The following TBCD variants were observed in gnomAD, a reference collection of about 807,000 sequenced individuals.
TBCD encodes the protein tubulin-specific chaperone D.
TBCD carries 105 observed loss-of-function variants against 169.3 expected under a neutral mutation model. The ratio of observed to expected loss-of-function variants is 0.62; its 90% CI spans 0.53 to 0.73. TBCD has a LOEUF of 0.73. Among genes scored for constraint, TBCD ranks in the 30% least tolerant of loss-of-function variants. The pLI is 0.00. For missense variants in TBCD, 1,444 were observed against 1,600.1 expected, an observed-to-expected ratio of 0.90 and a Z score of 1.66; for synonymous variants, 700 against 643.9, an observed-to-expected ratio of 1.09 and a Z score of -1.32.
rs1182862935 is a variant in TBCD at position 82,832,171 on chromosome 17, A to G, written c.1318+17237A>G. On this transcript the variant is annotated intron_variant, in intron 13 of 38. Coordinates refer to ENST00000355528, the MANE Select transcript of TBCD (RefSeq NM_005993.5). This position sits in a 1 kb window ranked among gnomAD's most constrained non-coding sequence, Gnocchi z 4.9. ...CTGAAGCTTCGAGTCGAAGGCAGAG[A>G]GTCCATTTGCGACAGACTTGGAAGA... The G allele has an allele frequency of 1.2e-6, 2 of 1,614,222 alleles. No individual in the cohort carries two copies. The highest frequency in any genetic ancestry group is 4.5e-5 in the East Asian group (2 of 44,880).
intron 13 of TBCD, chr17:82,829,321 G>C: frequency 6.5e-6 from 1 of 154,328 alleles, no homozygotes; most frequent in Middle Eastern, 5.2e-4. Flanking sequence ...CCCCCACACA[G>C]ATAGCACACG....
rs371266484 is a variant in TBCD at position 82,942,509 on chromosome 17, C to G, written c.*46C>G. The G allele has an allele frequency of 1.2e-6, 2 of 1,613,522 alleles. No homozygotes were observed. The highest frequency in any genetic ancestry group is 1.3e-5 in the African/African-American group (1 of 74,922). Reference sequence around the variant, plus strand: ...CCTCACCCCTGCCTGGTGAGGATGTCTTGTTCCTGAGGGAGGCCGGTGTGG... The same window carrying G: ...CCTCACCCCTGCCTGGTGAGGATGTGTTGTTCCTGAGGGAGGCCGGTGTGG... On this transcript the variant is annotated 3_prime_UTR_variant, in exon 39 of 39. Transcript: ENST00000355528.
At chr17:82,929,945 CCT>C (rs2062059677) in intron 32 of TBCD, 1 of 322,434 alleles carries the variant, frequency 3.1e-6, no homozygotes, top group South Asian at 3.0e-5. Context: ...AACTTGAAGG[CCT>C]CTCTGCATCT....
intron 14 of TBCD, among the ~76,000 whole-genome samples, chr17:82,876,314 G>A (rs1266422856): frequency 6.6e-6 from 1 of 152,156 alleles, no homozygotes; most frequent in Admixed American, 6.5e-5. Flanking sequence ...AAAGCAAACG[G>A]GCGAGGACAC....
chr17:82,897,203 T>G (rs1457897590), intron 17 of TBCD, among the ~76,000 whole-genome samples: 1 of 152,052 alleles, frequency 6.6e-6, no homozygotes, highest in Non-Finnish European at 1.5e-5. Context: ...TGTATATTCC[T>G]AAGTCAAAGC....
chr17:82,851,901 G>T (rs1419446258), intron 13 of TBCD, among the ~76,000 whole-genome samples: 1 of 152,178 alleles, frequency 6.6e-6, no homozygotes, highest in Non-Finnish European at 1.5e-5. Flanking sequence ...GTTGACCCAG[G>T]TGGGAATAGA....
chr17:82,907,668 G>C, intron 20 of TBCD, 93 bp from the exon 21 acceptor site: 1 of 1,394,496 alleles, frequency 7.2e-7, no homozygotes, highest in South Asian at 1.2e-5. Flanking sequence ...TTGGGGTTAG[G>C]GTCTTGGGGA....
chr17:82,875,076 A>G (rs1468179907), intron 14 of TBCD, among the ~76,000 whole-genome samples: 1 of 151,944 alleles, frequency 6.6e-6, no homozygotes, highest in Non-Finnish European at 1.5e-5. Flanking sequence ...ACTTTTTCTA[A>G]TTGGTTCCTA....
chr17:82,773,551 C>T (rs749978330), intron 6 of TBCD, among the ~76,000 whole-genome samples: 2 of 152,100 alleles, frequency 1.3e-5, no homozygotes, highest in Non-Finnish European at 2.9e-5. Context: ...CCCCTGTCTC[C>T]CTACCGGGTG....
rs1343772602 is a variant in TBCD, at chr17:82,752,253, A to G, written c.60A>G (p.Thr20=). 40 of 1,524,188 alleles carry G rather than the reference A, an allele frequency of 2.6e-5. No homozygotes were observed. The highest frequency in any genetic ancestry group is 3.4e-5 in the Non-Finnish European group (39 of 1,139,950). The allele number at this position is 1,524,188 out of a possible 1,614,324, so 94.4% of individuals were successfully genotyped here. ...GGPEEEAEDE[T]LAFGAALEAF... The stretch of plus-strand genomic sequence containing the variant: ...CCGAGGAGGAGGCGGAGGACGAGAC[A>G]CTGGCCTTTGGCGCGGCGCTGGAAG... Residue 20 remains threonine, a synonymous_variant, in exon 1 of 39, where the codon ACA becomes ACG. Coordinates refer to ENST00000355528, the MANE Select transcript of TBCD (RefSeq NM_005993.5).
chr17:82,897,381 G>A (rs576327600), intron 17 of TBCD, among the ~76,000 whole-genome samples: 9 of 152,116 alleles, frequency 5.9e-5, no homozygotes, highest in Non-Finnish European at 7.4e-5. Context: ...AGTCGGGCAT[G>A]GTGGCGCACC....
At chr17:82,896,816 C>T (rs796894155) in intron 17 of TBCD, among the ~76,000 whole-genome samples, 2 of 152,220 alleles carry the variant, frequency 1.3e-5, no homozygotes, top group African/African-American at 4.8e-5. Flanking sequence ...GTGCCACGCG[C>T]CCCCGGTGCT....
Position 82,768,577 on chromosome 17 carries a change from T to C in TBCD, c.582+11T>C. On this transcript the variant is annotated intron_variant, in intron 5 of 38. Coordinates refer to ENST00000355528, the MANE Select transcript of TBCD (RefSeq NM_005993.5). ...CTCCAAATAGCAGAGGTAAATATCATGCAGATAATTAGCTGCTAATTAGTA... is the reference window on the plus strand; with the variant it reads ...CTCCAAATAGCAGAGGTAAATATCACGCAGATAATTAGCTGCTAATTAGTA... The C allele has an allele frequency of 6.2e-7, 1 of 1,613,072 alleles. No homozygotes were observed. Among genetic ancestry groups the C allele is most frequent in the Non-Finnish European group, 8.5e-7 (1 of 1,179,188 alleles).
At chr17:82,770,724 C>T (rs2048262597) in intron 5 of TBCD, among the ~76,000 whole-genome samples, 2 of 151,510 alleles carry the variant, frequency 1.3e-5, no homozygotes, top group Non-Finnish European at 2.9e-5. Flanking sequence ...GTTAGAAAGC[C>T]TGCCCCGGAG....
At chr17:82,797,827 T>C (rs903316543) in intron 8 of TBCD, 25 bp downstream of exon 8, 2 of 1,553,420 alleles carry the variant, frequency 1.3e-6, no homozygotes, top group Non-Finnish European at 1.7e-6. Flanking sequence ...TAAGAGACGA[T>C]ATCTTTGTGA....
intron 18 of TBCD, among the ~76,000 whole-genome samples, chr17:82,902,119 A>G (rs759252171): frequency 3.9e-5 from 6 of 152,088 alleles, no homozygotes; most frequent in Non-Finnish European, 7.3e-5. Context: ...GGAGGCAGAT[A>G]CACTTTCGCT....
chr17:82,858,492 C>T, intron 13 of TBCD: 1 of 838,314 alleles, frequency 1.2e-6, no homozygotes, highest in Non-Finnish European at 1.4e-6. Flanking sequence ...TCTGGCTGGG[C>T]AGTTCTACAG....
intron 2 of TBCD, among the ~76,000 whole-genome samples, chr17:82,761,361 T>C (rs548124723): frequency 1.3e-5 from 2 of 152,268 alleles, no homozygotes; most frequent in Non-Finnish European, 2.9e-5. Context: ...TCTTAGAACA[T>C]TTTATTGAGT....
chr17:82,838,703 A>G (rs2054195648), intron 13 of TBCD: 1 of 985,338 alleles, frequency 1.0e-6, no homozygotes, highest in South Asian at 4.7e-5. Context: ...AATGAAAGAT[A>G]AACCTCAGGA....
Sources: gnomAD v4.1 joint callset for allele counts (sites outside exome capture counted in the v4.1 genomes callset) on GRCh38, gnomAD v4.1.1 for gene constraint, Gnocchi (gnomAD v3.1) non-coding constraint, MANE v1.5 for transcripts, NCBI Gene and HGNC (gene_info 2026-07-23, HGNC 2026-07-21) for gene names.